Variants in DEPTOR observed in about 807,000 individuals in gnomAD.
The protein encoded by DEPTOR is DEP domain containing MTOR interacting protein.
Under a neutral mutation model 41.6 loss-of-function variants are expected in DEPTOR, and 41 were observed. The ratio of observed to expected loss-of-function variants is 0.98; its 90% CI spans 0.77 to 1.28. The LOEUF (loss-of-function observed/expected upper bound fraction) is 1.28. DEPTOR is among the 50% of genes most tolerant of loss of function. The probability of loss-of-function intolerance (pLI) is 0.00; values close to 1 mark genes in which losing one functional copy is unlikely to be tolerated. For missense variants in DEPTOR, 514 were observed against 527.9 expected, an observed-to-expected ratio of 0.97 and a Z score of 0.26; for synonymous variants, 195 against 192.3, an observed-to-expected ratio of 1.01 and a Z score of -0.12.
chr8:119,931,890 C>G (rs1828048284), intron 3 of DEPTOR, among the ~76,000 whole-genome samples: 1 of 151,766 alleles, frequency 6.6e-6, no homozygotes, highest in East Asian at 1.9e-4. Flanking sequence ...CCAAAACATG[C>G]ATGTCATCTC....
At chr8:119,994,814 G>C (rs980399307) in intron 4 of DEPTOR, among the ~76,000 whole-genome samples, 1 of 151,750 alleles carries the variant, frequency 6.6e-6, no homozygotes, top group Non-Finnish European at 1.5e-5. Context: ...CTACTTGAGA[G>C]GCTGAGGCAG....
intron 8 of DEPTOR, among the ~76,000 whole-genome samples, chr8:120,032,317 C>T (rs1812904387): frequency 6.7e-6 from 1 of 149,916 alleles, no homozygotes. Flanking sequence ...CTCCTAGGTT[C>T]AAGCAATTCC....
At chr8:120,035,234 C>T (rs1371205675) in intron 8 of DEPTOR, among the ~76,000 whole-genome samples, 7 of 151,930 alleles carry the variant, frequency 4.6e-5, no homozygotes, top group African/African-American at 1.5e-4. Context: ...GTGGGAGGAT[C>T]GCTTGAACTT....
At chr8:119,936,347 C>T (rs556022654) in intron 3 of DEPTOR, among the ~76,000 whole-genome samples, 171 of 152,280 alleles carry the variant, frequency 1.1e-3, no homozygotes, top group African/African-American at 4.0e-3. Context: ...GAACAAAGGG[C>T]TCTACATGTT....
intron 4 of DEPTOR, among the ~76,000 whole-genome samples, chr8:119,997,898 G>T (rs1466256055): frequency 3.3e-5 from 5 of 152,038 alleles, no homozygotes; most frequent in Non-Finnish European, 7.4e-5. Context: ...TTCTTAATGG[G>T]TTTTTATTAT....
chr8:119,975,879 T>C (rs1828691199), intron 4 of DEPTOR, among the ~76,000 whole-genome samples: 1 of 135,234 alleles, frequency 7.4e-6, no homozygotes, highest in African/African-American at 2.8e-5. Context: ...CCTTTTTTTT[T>C]TTTTTTTTTT....
At chr8:119,962,353 T>C (rs1404189536) in intron 3 of DEPTOR, among the ~76,000 whole-genome samples, 1 of 152,114 alleles carries the variant, frequency 6.6e-6, no homozygotes, top group Non-Finnish European at 1.5e-5. Context: ...TTTAATCTGA[T>C]AATCACAGAA....
At chr8:119,903,417 C>T (rs575472065) in intron 1 of DEPTOR, among the ~76,000 whole-genome samples, 2 of 152,088 alleles carry the variant, frequency 1.3e-5, no homozygotes, top group South Asian at 2.1e-4. Flanking sequence ...ATTTTTTTGC[C>T]CTAAGTTTGT....
rs571751988 is a variant in DEPTOR at position 119,906,015 on chromosome 8, G to A, written c.123-22385G>A. Among the ~76,000 whole-genome samples the A allele has an allele frequency of 1.3e-3, 194 of 152,108 alleles. 1 individual carries two copies. The highest frequency in any genetic ancestry group is 4.4e-3 in the African/African-American group (184 of 41,488). ...TCGCTATGTTGCCTAAGCTGGTCTCGAACTCGGGCTCAAGCAGGCCTCCTG... is the reference window on the plus strand; with the variant it reads ...TCGCTATGTTGCCTAAGCTGGTCTCAAACTCGGGCTCAAGCAGGCCTCCTG... On this transcript the variant is annotated intron_variant, in intron 1 of 8. Transcript: ENST00000286234.
chr8:119,878,488 T>TTC (rs1827256925), intron 1 of DEPTOR, among the ~76,000 whole-genome samples: 1 of 151,772 alleles, frequency 6.6e-6, no homozygotes, highest in African/African-American at 2.4e-5. Context: ...CCCAGTTAAT[T>TTC]TTTTTTGTGT....
intron 4 of DEPTOR, among the ~76,000 whole-genome samples, chr8:119,981,917 A>G (rs1044849439): frequency 3.4e-5 from 5 of 144,966 alleles, no homozygotes; most frequent in Non-Finnish European, 7.5e-5. Context: ...CAGGAGGCTG[A>G]GGCAGGAGAA....
chr8:119,891,370 A>G (rs1172283979), intron 1 of DEPTOR: 2 of 152,178 alleles, frequency 1.3e-5, no homozygotes, highest in Admixed American at 6.6e-5. Context: ...ACCATCCACA[A>G]AAGTTGTGAG....
intron 3 of DEPTOR, among the ~76,000 whole-genome samples, chr8:119,945,741 T>C (rs1158721929): frequency 3.9e-5 from 6 of 152,338 alleles, no homozygotes; most frequent in Non-Finnish European, 7.3e-5. Context: ...TCAGAGCCCT[T>C]CCTAGAGGAA....
intron 1 of DEPTOR, among the ~76,000 whole-genome samples, chr8:119,913,914 C>G (rs1019901504): frequency 1.3e-5 from 2 of 152,330 alleles, no homozygotes; most frequent in Admixed American, 6.5e-5. Flanking sequence ...CTTTCCCATC[C>G]TTGTCCCATC....
At chr8:119,976,576 G>A (rs2130004866) in intron 4 of DEPTOR, among the ~76,000 whole-genome samples, 1 of 152,108 alleles carries the variant, frequency 6.6e-6, no homozygotes, top group East Asian at 1.9e-4. Context: ...TAAAGGAAAT[G>A]TTGAAAACAA....
chr8:119,965,485 C>A, intron 4 of DEPTOR, 75 bp downstream of exon 4: 1 of 1,520,912 alleles, frequency 6.6e-7, no homozygotes, highest in Non-Finnish European at 8.9e-7. Context: ...ACAACACGTA[C>A]TTATTTCTCA....
At chr8:119,929,700 A>G in intron 2 of DEPTOR, 115 bp from the exon 3 acceptor site, 2 of 1,371,962 alleles carry the variant, frequency 1.5e-6, no homozygotes, top group Non-Finnish European at 9.9e-7. Context: ...ACATATTTGC[A>G]TGCATGAAGA....
At chr8:120,044,156 T>TTTTA (rs1357515621) in intron 8 of DEPTOR, among the ~76,000 whole-genome samples, 3 of 151,692 alleles carry the variant, frequency 2.0e-5, no homozygotes, top group East Asian at 3.8e-4. Flanking sequence ...AGCTTTTTAT[T>TTTTA]TTTATTTATT....
intron 5 of DEPTOR, 113 bp downstream of exon 5, chr8:120,001,823 T>G: frequency 7.8e-7 from 1 of 1,281,736 alleles, no homozygotes; most frequent in Non-Finnish European, 1.0e-6. Context: ...AATTTTTACT[T>G]ATTCATAACC....
Sources: allele counts gnomAD v4.1 joint callset (sites outside exome capture counted in the v4.1 genomes callset), GRCh38; gene constraint gnomAD v4.1.1; transcripts MANE v1.5; gene names NCBI Gene and HGNC (gene_info 2026-07-23, HGNC 2026-07-21).